CD99L2: variants seen among roughly 807,000 people sequenced by gnomAD.
CD99L2 encodes the protein CD99 molecule like 2, also known as CD99 antigen-like protein 2.
In CD99L2, 24 loss-of-function variants were observed where a neutral mutation model predicts 27.3. That is an observed-to-expected ratio of 0.88 (90% confidence interval 0.64 to 1.24). The LOEUF (loss-of-function observed/expected upper bound fraction) is 1.24, where lower values mean the gene tolerates loss of function less well. CD99L2 is among the 50% of genes most tolerant of loss of function. CD99L2 has a pLI of 0.00. For missense variants in CD99L2, 255 were observed against 221.6 expected (o/e 1.15, Z -0.96); for synonymous variants, 97 against 87.9 (o/e 1.10, Z -0.58).
intron 7 of CD99L2, among the ~76,000 whole-genome samples, chrX:150,786,768 TTTAAG>T (rs1170919372): frequency 8.9e-6 from 1 of 112,240 alleles, no homozygotes; most frequent in Admixed American, 9.5e-5. Context: ...GTAATTCTGT[TTTAAG>T]TTCTTTGAGA....
chrX:150,898,074 C>A (rs1777876011), intron 1 of CD99L2, among the ~76,000 whole-genome samples: 2 of 64,396 alleles, frequency 3.1e-5, no homozygotes, highest in South Asian at 8.6e-4. Flanking sequence ...CCCCCCCCCA[C>A]AGCCCATGCC....
At chrX:150,823,971 C>T (rs2046278208) in intron 2 of CD99L2, among the ~76,000 whole-genome samples, 1 of 103,657 alleles carries the variant, frequency 9.6e-6, no homozygotes, top group Non-Finnish European at 1.9e-5. Flanking sequence ...GAGACCCTGT[C>T]TCATTTGTAG....
rs188063590 is a variant in CD99L2, at chrX:150,768,983, C to T, written c.*51G>A. 1.2e-4 allele frequency: 134 copies of T among 1,112,498 alleles called. No individual in the cohort carries two copies. Among genetic ancestry groups the T allele is most frequent in the Non-Finnish European group, 1.4e-4 (122 of 857,693 alleles). 91.7% of individuals were successfully genotyped at this position (1,112,498 alleles called of 1,213,427 possible). A position where few individuals can be genotyped will look rare whatever the true frequency, so the allele number is the denominator to read the frequency against. ...GTCCAAATGAAGGGGTGGGGGGAGC[C>T]GGGTGACAAGCGGTGGCACCATTGT... On this transcript the variant is annotated 3_prime_UTR_variant, in exon 11 of 11. Coordinates refer to ENST00000370377, the MANE Select transcript of CD99L2 (RefSeq NM_031462.4).
chrX:150,804,312 G>A (rs781936347), intron 4 of CD99L2, among the ~76,000 whole-genome samples: 2 of 112,169 alleles, frequency 1.8e-5, no homozygotes, highest in South Asian at 7.4e-4. Flanking sequence ...CAACCAACGG[G>A]TCAAAGAAGA....
intron 2 of CD99L2, among the ~76,000 whole-genome samples, chrX:150,821,177 C>T (rs1340594211): frequency 9.0e-6 from 1 of 111,524 alleles, no homozygotes; most frequent in African/African-American, 3.3e-5. Context: ...TCCTAATATC[C>T]ACATGGAATT....
intron 1 of CD99L2, among the ~76,000 whole-genome samples, chrX:150,887,812 G>A (rs1557422674): frequency 8.9e-6 from 1 of 112,077 alleles, no homozygotes; most frequent in Non-Finnish European, 1.9e-5. Context: ...AGAAAATGAA[G>A]AGGCACACAC....
chrX:150,815,537 A>G (rs1841008354), intron 3 of CD99L2, among the ~76,000 whole-genome samples: 2 of 112,034 alleles, frequency 1.8e-5, no homozygotes, highest in Admixed American at 1.9e-4. Context: ...ATCAGTGAAG[A>G]TGTCTAAATC....
chrX:150,813,512 A>G (rs2046103763), intron 4 of CD99L2, among the ~76,000 whole-genome samples: 1 of 112,279 alleles, frequency 8.9e-6, no homozygotes, highest in Admixed American at 9.4e-5. Context: ...TCAGCAGCGC[A>G]GGGAAACCTA....
At chrX:150,799,371 G>C (rs782538552) in intron 4 of CD99L2, among the ~76,000 whole-genome samples, 52 of 106,998 alleles carry the variant, frequency 4.9e-4, no homozygotes, top group Non-Finnish European at 9.4e-4. Flanking sequence ...ACAAAAATTA[G>C]ACAGGTGTGG....
intron 1 of CD99L2, among the ~76,000 whole-genome samples, chrX:150,862,528 C>T (rs1332421682): frequency 8.9e-6 from 1 of 112,440 alleles, no homozygotes; most frequent in Non-Finnish European, 1.9e-5. Context: ...ATGCTGACAC[C>T]TTGAGTTTAG....
intron 1 of CD99L2, among the ~76,000 whole-genome samples, chrX:150,869,975 TA>T (rs1418610591): frequency 9.9e-5 from 11 of 111,422 alleles, no homozygotes; most frequent in African/African-American, 2.3e-4. Context: ...TCATAAGTAT[TA>T]ATCAGAATCA....
chrX:150,879,755 A>G (rs1489082661), intron 1 of CD99L2, among the ~76,000 whole-genome samples: 1 of 90,785 alleles, frequency 1.1e-5, no homozygotes, highest in Non-Finnish European at 2.2e-5. Flanking sequence ...AAAACTAAAA[A>G]AAAAAAAAAA....
At chrX:150,810,349 C>T (rs1311093716) in intron 4 of CD99L2, among the ~76,000 whole-genome samples, 1 of 111,507 alleles carries the variant, frequency 9.0e-6, no homozygotes, top group Non-Finnish European at 1.9e-5. Context: ...CCAAAATAAC[C>T]AATAGGTCAA....
chrX:150,836,060 A>G (rs1557421187), intron 1 of CD99L2, among the ~76,000 whole-genome samples: 1 of 111,887 alleles, frequency 8.9e-6, no homozygotes, highest in Non-Finnish European at 1.9e-5. Flanking sequence ...TTGTCCTCAC[A>G]AGTGGACCCA....
At chrX:150,855,898 T>C (rs781921672) in intron 1 of CD99L2, among the ~76,000 whole-genome samples, 7 of 112,143 alleles carry the variant, frequency 6.2e-5, no homozygotes, top group Non-Finnish European at 1.3e-4. Flanking sequence ...AATGCATCTT[T>C]GTTGTTTTGA....
intron 2 of CD99L2, among the ~76,000 whole-genome samples, chrX:150,827,884 G>A (rs1189581820): frequency 8.9e-6 from 1 of 111,778 alleles, no homozygotes; most frequent in African/African-American, 3.3e-5. Flanking sequence ...ACTGTTTGTT[G>A]AAGATTGACT....
chrX:150,827,170 G>C (rs1557420947), intron 2 of CD99L2, among the ~76,000 whole-genome samples: 1 of 110,961 alleles, frequency 9.0e-6, no homozygotes, highest in African/African-American at 3.3e-5. Flanking sequence ...GGCCTAGGTG[G>C]TTCAGGGGTT....
In CD99L2 at chrX:150,871,119, TATCA is replaced by T; in HGVS notation, c.67+27399_67+27402del. On this transcript the variant is annotated intron_variant, in intron 1 of 10. Transcript: ENST00000370377. ...TTGGGCCAAAAGGTTAATATTCCTTTATCAGAAGGCTTAGAAGACACAGAAATCA... is the reference window on the plus strand; with the variant it reads ...TTGGGCCAAAAGGTTAATATTCCTTTGAAGGCTTAGAAGACACAGAAATCA... Among the ~76,000 whole-genome samples, 8 of 112,767 alleles carry T rather than the reference TATCA, an allele frequency of 7.1e-5. No homozygotes were observed. In the Middle Eastern group the frequency reaches 0.028, roughly 388 times the overall value.
chrX:150,781,999 C>T (rs1299501105), intron 7 of CD99L2, among the ~76,000 whole-genome samples: 9 of 111,988 alleles, frequency 8.0e-5, no homozygotes, highest in Non-Finnish European at 1.7e-4. Flanking sequence ...CGGAGCTGCC[C>T]TTCTCTGACA....
Sources: allele counts gnomAD v4.1 joint callset (sites outside exome capture counted in the v4.1 genomes callset), GRCh38; gene constraint gnomAD v4.1.1; transcripts MANE v1.5; gene names NCBI Gene and HGNC (gene_info 2026-07-23, HGNC 2026-07-21).